MAST4: variants seen among roughly 807,000 people sequenced by gnomAD.
MAST4 encodes the protein microtubule associated serine/threonine kinase family member 4.
A neutral mutation model predicts 162.7 loss-of-function variants in MAST4; 89 were observed. The observed-to-expected ratio is 0.55, with a 90% confidence interval of 0.46 to 0.65. The LOEUF (loss-of-function observed/expected upper bound fraction) is 0.65, where lower values mean the gene tolerates loss of function less well. MAST4 is among the 30% of genes least tolerant of loss of function. The pLI is 0.00. For synonymous variants in MAST4, 1,479 were observed against 1,361.1 expected, an observed-to-expected ratio of 1.09 and a Z score of -1.91; for missense variants, 3,153 against 3,374.0, an observed-to-expected ratio of 0.93 and a Z score of 1.62.
At chr5:66,995,888 T>TACACACACAC (rs34561453) in intron 4 of MAST4, among the ~76,000 whole-genome samples, 3,520 of 147,292 alleles carry the variant, frequency 0.024, 122 homozygotes, top group African/African-American at 0.08. Flanking sequence ...CACACTCACA[T>TACACACACAC]ACACACACAC....
At chr5:66,854,890 C>G (rs1759562713) in intron 3 of MAST4, among the ~76,000 whole-genome samples, 2 of 152,020 alleles carry the variant, frequency 1.3e-5, no homozygotes, top group African/African-American at 2.4e-5. Context: ...CCTCAGTGCT[C>G]TGGTATATTT....
chr5:66,957,632 C>T (rs948898777), intron 4 of MAST4, among the ~76,000 whole-genome samples: 21 of 152,094 alleles, frequency 1.4e-4, no homozygotes, highest in African/African-American at 5.1e-4. Flanking sequence ...AAGCTGGTAC[C>T]TAGTTAACAA....
Position 67,130,408 on chromosome 5 carries a change from A to G in MAST4, c.1944A>G (p.Glu648=), listed in dbSNP as rs759470813. Residue 648 remains glutamate, a synonymous_variant, in exon 15 of 29, where the codon GAA becomes GAG. Transcript: ENST00000403625. ...GGCGCCACTTGTGCATGGTCATGGA[A>G]TATGTGGAAGGTATCTGACACGGAA... ...ETRRHLCMVM[E]YVEGGDCATL... 1.9e-6 allele frequency: 3 copies of G among 1,613,808 alleles called. No individual in the cohort carries two copies. The highest frequency in any genetic ancestry group is 2.5e-6 in the Non-Finnish European group (3 of 1,179,772).
At chr5:66,931,204 T>C (rs1464399591) in intron 4 of MAST4, among the ~76,000 whole-genome samples, 2 of 152,192 alleles carry the variant, frequency 1.3e-5, no homozygotes, top group Non-Finnish European at 2.9e-5. Context: ...GCATTTATAC[T>C]TACCGAAGTA....
At position 66,788,725 on chromosome 5, in the gene MAST4, G is replaced by A; in HGVS notation, c.573G>A (p.Glu191=). 1 of 1,613,552 alleles carries A rather than the reference G, an allele frequency of 6.2e-7. No individual in the cohort carries two copies. The highest frequency in any genetic ancestry group is 8.5e-7 in the Non-Finnish European group (1 of 1,179,638). Residue 191 remains glutamate, a synonymous_variant, in exon 3 of 29, where the codon GAG becomes GAA. Transcript: ENST00000403625. ...GACAGGCCTGGCCGGCCTCTGCAGA[G>A]ACGTCCAACCTCGTGCGCATGCGCA... ...VAGQAWPASA[E]TSNLVRMRSQ...
chr5:66,956,322 C>A lies in MAST4; in HGVS notation c.674+56340C>A, dbSNP rs539466360. ...TAGTTGTATCCAGGGGTGCTGGAGT[C>A]TTTTTGGTAAGACTACTTCATGTGT... On this transcript the variant is annotated intron_variant, in intron 4 of 28. Transcript: ENST00000403625. 7.8e-4 allele frequency among the ~76,000 whole-genome samples: 118 copies of A among 152,156 alleles called. 1 individual carries two copies. Among genetic ancestry groups the A allele is most frequent in the Middle Eastern group, 3.2e-3 (1 of 316 alleles).
At chr5:66,840,202 G>C (rs1275303840) in intron 3 of MAST4, among the ~76,000 whole-genome samples, 1 of 151,970 alleles carries the variant, frequency 6.6e-6, no homozygotes, top group East Asian at 1.9e-4. Flanking sequence ...TTTTAGCTTT[G>C]TGCTAAAATT....
At chr5:66,805,636 T>C (rs1580494016) in intron 3 of MAST4, among the ~76,000 whole-genome samples, 2 of 152,230 alleles carry the variant, frequency 1.3e-5, no homozygotes, top group East Asian at 3.8e-4. Flanking sequence ...GTTCAGCTCC[T>C]AGCCTGGGCA....
chr5:66,851,537 T>A (rs1004109910), intron 3 of MAST4, among the ~76,000 whole-genome samples: 1 of 152,240 alleles, frequency 6.6e-6, no homozygotes, highest in African/African-American at 2.4e-5. Context: ...AAGGACAGTT[T>A]AATTCATGTG....
At chr5:66,965,270 CTAA>C (rs1746581891) in intron 4 of MAST4, among the ~76,000 whole-genome samples, 1 of 78,832 alleles carries the variant, frequency 1.3e-5, no homozygotes, top group Admixed American at 1.9e-4. Flanking sequence ...CTTTGCTCTT[CTAA>C]TGTGTCCATT....
At chr5:66,616,206 G>A (rs4546325) in intron 1 of MAST4, among the ~76,000 whole-genome samples, 13 of 151,994 alleles carry the variant, frequency 8.6e-5, no homozygotes, top group Non-Finnish European at 1.9e-4. Flanking sequence ...AAAGAGGTCC[G>A]TCACTTTATT....
At chr5:66,898,962 G>A (rs1762847188) in intron 3 of MAST4, among the ~76,000 whole-genome samples, 1 of 152,174 alleles carries the variant, frequency 6.6e-6, no homozygotes, top group Admixed American at 6.5e-5. Flanking sequence ...TAAGAGACAG[G>A]AAAGGTGAGT....
At chr5:66,672,722 C>T (rs887279989) in intron 1 of MAST4, among the ~76,000 whole-genome samples, 1 of 152,204 alleles carries the variant, frequency 6.6e-6, no homozygotes, top group African/African-American at 2.4e-5. Context: ...TTCTGGCCAC[C>T]ACAAAGAGTG....
At chr5:66,869,353 A>T (rs190383929) in intron 3 of MAST4, among the ~76,000 whole-genome samples, 1 of 152,306 alleles carries the variant, frequency 6.6e-6, no homozygotes, top group African/African-American at 2.4e-5. Flanking sequence ...AGACATGCTC[A>T]GGTTTTTGCT....
At chr5:67,016,146 A>G (rs1411214448) in intron 4 of MAST4, among the ~76,000 whole-genome samples, 4 of 152,124 alleles carry the variant, frequency 2.6e-5, no homozygotes, top group African/African-American at 4.8e-5. Flanking sequence ...TCAGCCGAGG[A>G]GGAGGGAGGG....
chr5:66,972,026 C>T (rs558334956), intron 4 of MAST4, among the ~76,000 whole-genome samples: 2 of 152,182 alleles, frequency 1.3e-5, no homozygotes, highest in African/African-American at 4.8e-5. Context: ...AGTCATTTCT[C>T]CAGCAGTAAC....
At chr5:67,002,254 C>T (rs566969524) in intron 4 of MAST4, among the ~76,000 whole-genome samples, 1 of 152,326 alleles carries the variant, frequency 6.6e-6, no homozygotes, top group South Asian at 2.1e-4. Flanking sequence ...TTACCGTCTT[C>T]ATGGGATTCT....
chr5:67,061,909 A>C lies in MAST4; in HGVS notation c.763+7417A>C, dbSNP rs1467130715. 2.6e-5 allele frequency among the ~76,000 whole-genome samples: 4 copies of C among 152,294 alleles called. No individual in the cohort carries two copies. The East Asian group carries it at 7.7e-4, about 29-fold the overall frequency. ...AGTCTGTAAGCCAAATGGGCATTAC[A>C]ACAGTTTTTTCCACCTCCCCAGACT... On this transcript the variant is annotated intron_variant, in intron 5 of 28. Transcript: ENST00000403625.
chr5:66,651,535 TTGGC>T, intron 1 of MAST4, among the ~76,000 whole-genome samples: 1 of 152,210 alleles, frequency 6.6e-6, no homozygotes, highest in South Asian at 2.1e-4. Context: ...ATTGTTACCA[TTGGC>T]AACTTAATTA....
Sources: gnomAD v4.1 joint callset for allele counts (sites outside exome capture counted in the v4.1 genomes callset) on GRCh38, gnomAD v4.1.1 for gene constraint, MANE v1.5 for transcripts, NCBI Gene and HGNC (gene_info 2026-07-23, HGNC 2026-07-21) for gene names.